Variants in DDX19A observed in about 807,000 individuals in gnomAD.
DDX19A encodes the protein DEAD-box helicase 19A.
In DDX19A, 12 loss-of-function variants were observed where a neutral mutation model predicts 60.6. That is an observed-to-expected ratio of 0.20 (90% CI 0.13 to 0.32). The LOEUF is 0.32. Among genes scored for constraint, DDX19A ranks in the 10% least tolerant of loss-of-function variants. The pLI is 1.00. For synonymous variants in DDX19A, 206 were observed against 218.2 expected (o/e 0.94, Z 0.49); for missense variants, 337 against 600.6 (o/e 0.56, Z 4.59).
rs1407604470 is a variant in DDX19A at position 70,369,209 on chromosome 16, C to G, written c.1021-1014C>G. 7.8e-5 allele frequency among the ~76,000 whole-genome samples: 7 copies of G among 89,254 alleles called. No individual in the cohort carries two copies. The Admixed American group carries it at 9.9e-4, about 13-fold the overall frequency. 58.6% of individuals were successfully genotyped at this position (89,254 alleles called of 152,430 possible). A position where few individuals can be genotyped will look rare whatever the true frequency, so the allele number is the denominator to read the frequency against. On this transcript the variant is annotated intron_variant, in intron 9 of 11. Transcript: ENST00000302243. ...TTTTTTTTTTTTTTTGAAACGGAAT[C>G]TCGCCTCTTGCCCAGGCTGGAGTGC...
chr16:70,348,455 G>A (rs1035774256), intron 1 of DDX19A, among the ~76,000 whole-genome samples: 5 of 151,748 alleles, frequency 3.3e-5, no homozygotes, highest in African/African-American at 1.2e-4. Context: ...GTGAAACCCT[G>A]TCTCTACTAA....
chr16:70,356,948 T>TC, intron 4 of DDX19A: 2 of 786,728 alleles, frequency 2.5e-6, no homozygotes, highest in Admixed American at 4.7e-5. Context: ...GTTTTTTTTT[T>TC]ACAAAAAAAA....
At chr16:70,349,311 T>C (rs532318221) in intron 1 of DDX19A, among the ~76,000 whole-genome samples, 2 of 152,186 alleles carry the variant, frequency 1.3e-5, no homozygotes, top group South Asian at 2.1e-4. Context: ...GAGGCTTTTA[T>C]TGGGGGGCTG....
Sources: gnomAD v4.1 joint callset for allele counts (sites outside exome capture counted in the v4.1 genomes callset) on GRCh38, gnomAD v4.1.1 for gene constraint, MANE v1.5 for transcripts, NCBI Gene and HGNC (gene_info 2026-07-23, HGNC 2026-07-21) for gene names.